Variants in MEGF11 observed in about 807,000 individuals in gnomAD.
The protein encoded by MEGF11 is multiple epidermal growth factor-like domains protein 11.
MEGF11 carries 126 observed loss-of-function variants against 146.6 expected under a neutral mutation model. That is an observed-to-expected ratio of 0.86 (90% CI 0.74 to 1.00). The LOEUF is 1.00. MEGF11 is among the 50% of genes least tolerant of loss of function. The pLI, the probability that MEGF11 is intolerant of heterozygous loss-of-function variation, is 0.00. For synonymous variants in MEGF11, 532 were observed against 583.4 expected, an observed-to-expected ratio of 0.91 and a Z score of 1.27; for missense variants, 1,509 against 1,521.2, an observed-to-expected ratio of 0.99 and a Z score of 0.13.
intron 5 of MEGF11, among the ~76,000 whole-genome samples, chr15:66,071,013 G>A (rs190574708): frequency 6.6e-6 from 1 of 152,242 alleles, no homozygotes; most frequent in Admixed American, 6.5e-5. Flanking sequence ...CAGCTGTGGT[G>A]TATCTTGGTG....
chr15:66,128,741 T>C (rs533133362), intron 1 of MEGF11, among the ~76,000 whole-genome samples: 5 of 152,202 alleles, frequency 3.3e-5, no homozygotes, highest in Non-Finnish European at 7.4e-5. Context: ...CCCGGGCCCA[T>C]CCTTGGACCC....
intron 1 of MEGF11, among the ~76,000 whole-genome samples, chr15:66,140,639 A>G (rs2089100425): frequency 6.6e-6 from 1 of 152,240 alleles, no homozygotes; most frequent in Admixed American, 6.5e-5. Context: ...GGTAGGAAGA[A>G]CGGGAGGCAA....
intron 5 of MEGF11, among the ~76,000 whole-genome samples, chr15:66,022,642 T>C (rs1420248908): frequency 1.3e-5 from 2 of 151,990 alleles, no homozygotes; most frequent in African/African-American, 2.4e-5. Context: ...CTGGGAAGTA[T>C]AGTGAGATCC....
intron 21 of MEGF11, among the ~76,000 whole-genome samples, chr15:65,910,782 C>T (rs571330797): frequency 5.9e-5 from 9 of 152,296 alleles, no homozygotes; most frequent in African/African-American, 2.2e-4. Context: ...TCCTAGATCT[C>T]TAGGGCATAG....
At chr15:66,119,329 A>G in intron 3 of MEGF11, 143 bp from the exon 4 acceptor site, 2 of 639,144 alleles carry the variant, frequency 3.1e-6, no homozygotes, top group South Asian at 3.9e-5. Context: ...GAAGGAACAC[A>G]ATAAAAAAAT....
At chr15:66,004,056 A>C (rs187198177) in intron 5 of MEGF11, among the ~76,000 whole-genome samples, 150 of 152,316 alleles carry the variant, frequency 9.8e-4, no homozygotes, top group Admixed American at 2.9e-3. Flanking sequence ...CACTTGCAAA[A>C]GGGTGACTCA....
At position 66,119,077 on chromosome 15, in the gene MEGF11, C is replaced by G. The variant is rs1286387574; in HGVS notation, c.301+9G>C. On this transcript the variant is annotated intron_variant, in intron 4 of 25. Coordinates refer to ENST00000395614, the MANE Select transcript of MEGF11 (RefSeq NM_001385028.1). Reference sequence around the variant, plus strand: ...CACTGAGGGCAGAACAGCAGCAGCCCCTACATACGTATGCAGAAGTCTCCG... The same window carrying G: ...CACTGAGGGCAGAACAGCAGCAGCCGCTACATACGTATGCAGAAGTCTCCG... 2 of 1,540,498 alleles carry G rather than the reference C, an allele frequency of 1.3e-6. No individual in the cohort carries two copies. Among genetic ancestry groups the G allele is most frequent in the Non-Finnish European group, 1.8e-6 (2 of 1,137,660 alleles).
chr15:66,185,208 C>T (rs2090662647), intron 1 of MEGF11, among the ~76,000 whole-genome samples: 1 of 152,124 alleles, frequency 6.6e-6, no homozygotes, highest in Non-Finnish European at 1.5e-5. Context: ...TTTACAACCC[C>T]TGCTCCCTGC....
At chr15:66,035,639 G>A (rs2083698412) in intron 5 of MEGF11, among the ~76,000 whole-genome samples, 1 of 152,158 alleles carries the variant, frequency 6.6e-6, no homozygotes, top group South Asian at 2.1e-4. Context: ...ACGATGAAAT[G>A]TTTTAAAGAC....
At chr15:66,180,921 A>G (rs1267512176) in intron 1 of MEGF11, among the ~76,000 whole-genome samples, 1 of 152,224 alleles carries the variant, frequency 6.6e-6, no homozygotes, top group Non-Finnish European at 1.5e-5. Context: ...CCACAACAGA[A>G]GAGCCTTTTG....
rs79198267 is a variant in MEGF11, at chr15:66,063,581, C to T, written c.394+30821G>A. 4.6e-3 allele frequency among the ~76,000 whole-genome samples: 700 copies of T among 152,248 alleles called. 2 individuals are homozygous for T. Among genetic ancestry groups the T allele is most frequent in the Non-Finnish European group, 7.4e-3 (505 of 68,022 alleles). ...CAGGAGCACCTACTGAGTGTGTGCACGGCCTCTCCCCACAAGTCTTCATTG... is the reference window on the plus strand; with the variant it reads ...CAGGAGCACCTACTGAGTGTGTGCATGGCCTCTCCCCACAAGTCTTCATTG... On this transcript the variant is annotated intron_variant, in intron 5 of 25. Transcript: ENST00000395614.
intron 2 of MEGF11, 128 bp downstream of exon 2, chr15:66,128,178 C>G (rs1344705614): frequency 3.8e-6 from 2 of 523,438 alleles, no homozygotes. Context: ...GCATGTGGGC[C>G]ATCTCCCCAG....
chr15:66,013,394 C>T (rs1300968460), intron 5 of MEGF11, among the ~76,000 whole-genome samples: 1 of 151,854 alleles, frequency 6.6e-6, no homozygotes, highest in African/African-American at 2.4e-5. Flanking sequence ...GGCCCCACAA[C>T]TGCTCTTGAT....
In MEGF11 at chr15:65,913,724, G is replaced by A; in HGVS notation, c.2710+13C>T. 3 of 1,596,956 alleles carry A rather than the reference G, an allele frequency of 1.9e-6. No homozygotes were observed. Among genetic ancestry groups the A allele is most frequent in the Non-Finnish European group, 2.6e-6 (3 of 1,168,660 alleles). On this transcript the variant is annotated intron_variant, in intron 20 of 25. Transcript: ENST00000395614. ...GAGGGGAAGAGGAGGGAGGCCAGGA[G>A]CATGGCCCTTACCTGAGAGGGAGTA...
intron 1 of MEGF11, among the ~76,000 whole-genome samples, chr15:66,207,555 G>A (rs2091331611): frequency 2.0e-5 from 3 of 152,206 alleles, no homozygotes; most frequent in South Asian, 2.1e-4. Context: ...ACTAAAGGAA[G>A]TCTTTCAGGC....
intron 1 of MEGF11, among the ~76,000 whole-genome samples, chr15:66,131,765 A>G (rs769796417): frequency 2.7e-4 from 41 of 152,218 alleles, no homozygotes; most frequent in Non-Finnish European, 1.6e-4. Context: ...TAAGCATTTT[A>G]GCATAGCTTA....
At chr15:66,189,607 G>A (rs992928116) in intron 1 of MEGF11, among the ~76,000 whole-genome samples, 2 of 152,084 alleles carry the variant, frequency 1.3e-5, no homozygotes, top group African/African-American at 2.4e-5. Context: ...CGCAGGAGAG[G>A]GCACCACTGG....
At chr15:66,251,965 C>G (rs1380070711) in intron 1 of MEGF11, among the ~76,000 whole-genome samples, 1 of 152,238 alleles carries the variant, frequency 6.6e-6, no homozygotes, top group Non-Finnish European at 1.5e-5. Context: ...TCGGGGCACC[C>G]CGCCCAGTCT....
chr15:65,989,454 C>T (rs893255006), intron 5 of MEGF11, among the ~76,000 whole-genome samples: 23 of 152,344 alleles, frequency 1.5e-4, no homozygotes, highest in African/African-American at 5.5e-4. Flanking sequence ...TCTTCCACCC[C>T]ACCCACAGAA....
Sources: gnomAD v4.1 joint callset for allele counts (sites outside exome capture counted in the v4.1 genomes callset) on GRCh38, gnomAD v4.1.1 for gene constraint, MANE v1.5 for transcripts, NCBI Gene and HGNC (gene_info 2026-07-23, HGNC 2026-07-21) for gene names.